Variants in NCAM2 observed in about 807,000 individuals in gnomAD.
The protein encoded by NCAM2 is neural cell adhesion molecule 2, also known as N-CAM-2.
NCAM2 carries 30 observed loss-of-function variants against 98.1 expected under a neutral mutation model. That is an observed-to-expected ratio of 0.31 (90% CI 0.23 to 0.41). The LOEUF is 0.41. Ranked by LOEUF, NCAM2 falls within the 10% of genes least tolerant of loss-of-function variation. NCAM2 has a pLI of 1.00. For synonymous variants in NCAM2, 368 were observed against 342.4 expected (o/e 1.07, Z -0.83); for missense variants, 867 against 1,005.8 (o/e 0.86, Z 1.87).
intron 15 of NCAM2, among the ~76,000 whole-genome samples, chr21:21,481,929 C>A (rs558524696): frequency 1.3e-5 from 2 of 152,102 alleles, no homozygotes; most frequent in Non-Finnish European, 2.9e-5. Flanking sequence ...GAAACCCTGT[C>A]TCTTCTAAAA....
intron 1 of NCAM2, among the ~76,000 whole-genome samples, chr21:21,238,301 A>G (rs2826746): frequency 0.49 from 74,826 of 151,878 alleles, 18,994 homozygotes; most frequent in South Asian, 0.58. Context: ...ACTGATTATT[A>G]GAACAAAAAT....
intron 1 of NCAM2, among the ~76,000 whole-genome samples, chr21:21,235,954 G>C (rs1206610595): frequency 6.6e-6 from 1 of 151,920 alleles, no homozygotes. Context: ...TTATTTCCTT[G>C]GTTGGCATAT....
intron 6 of NCAM2, among the ~76,000 whole-genome samples, chr21:21,326,574 T>C (rs554316641): frequency 6.6e-6 from 1 of 152,208 alleles, no homozygotes; most frequent in South Asian, 2.1e-4. Context: ...TTTCTTAAAG[T>C]TTTACATTCC....
chr21:21,332,698 C>T (rs1318020972), intron 6 of NCAM2, among the ~76,000 whole-genome samples: 2 of 152,106 alleles, frequency 1.3e-5, no homozygotes, highest in Non-Finnish European at 2.9e-5. Flanking sequence ...GCTTTGACCT[C>T]CCCCAACTGC....
At chr21:21,519,674 T>G (rs2146384617) in intron 16 of NCAM2, among the ~76,000 whole-genome samples, 1 of 152,302 alleles carries the variant, frequency 6.6e-6, no homozygotes, top group African/African-American at 2.4e-5. Flanking sequence ...TGCTTATTAT[T>G]GATCACACAA....
chr21:21,027,188 T>G (rs2064568554), intron 1 of NCAM2, among the ~76,000 whole-genome samples: 1 of 152,240 alleles, frequency 6.6e-6, no homozygotes, highest in South Asian at 2.1e-4. Context: ...TTATAATTTT[T>G]TAATTGACTA....
chr21:21,361,555 A>AT (rs2075646490), intron 8 of NCAM2, among the ~76,000 whole-genome samples: 2 of 151,814 alleles, frequency 1.3e-5, no homozygotes, highest in African/African-American at 4.8e-5. Context: ...CTAGTCTGCC[A>AT]TTTTTTCTTG....
intron 12 of NCAM2, among the ~76,000 whole-genome samples, chr21:21,465,100 T>C (rs987803642): frequency 6.6e-6 from 1 of 152,142 alleles, no homozygotes; most frequent in African/African-American, 2.4e-5. Context: ...ATTTAATTTT[T>C]TTTGTTGATT....
At chr21:21,195,904 T>A (rs78087797) in intron 1 of NCAM2, among the ~76,000 whole-genome samples, 2,249 of 152,312 alleles carry the variant, frequency 0.015, 48 homozygotes, top group African/African-American at 0.052. Flanking sequence ...GTGATCTACA[T>A]TGATCATATG....
At chr21:21,515,591 G>A (rs539452794) in intron 16 of NCAM2, among the ~76,000 whole-genome samples, 24 of 152,162 alleles carry the variant, frequency 1.6e-4, no homozygotes, top group Admixed American at 6.5e-4. Context: ...TTGAAAAAAT[G>A]CTGACTTTTC....
chr21:21,457,114 A>C (rs573078287), intron 12 of NCAM2, among the ~76,000 whole-genome samples: 143 of 152,314 alleles, frequency 9.4e-4, no homozygotes, highest in African/African-American at 3.2e-3. Flanking sequence ...AGAGTTTTGC[A>C]GTACATGCTA....
At chr21:21,319,390 C>T (rs1205091082) in intron 5 of NCAM2, among the ~76,000 whole-genome samples, 2 of 152,154 alleles carry the variant, frequency 1.3e-5, no homozygotes, top group Non-Finnish European at 1.5e-5. Context: ...CGCCTGTAAT[C>T]CCAGCACTTT....
intron 1 of NCAM2, among the ~76,000 whole-genome samples, chr21:21,221,618 A>G (rs1393341341): frequency 1.3e-5 from 2 of 152,212 alleles, no homozygotes; most frequent in South Asian, 4.1e-4. Context: ...GCAATACCCT[A>G]GTATTATTCA....
Position 21,414,815 on chromosome 21 carries a change from C to G in NCAM2, c.1384-3658C>G, listed in dbSNP as rs552349347. The stretch of plus-strand genomic sequence containing the variant: ...CTAGGACTTGAAAGTTGAAATTACT[C>G]CTTGATCCACAGGCTTCAGAATGGA... On this transcript the variant is annotated intron_variant, in intron 10 of 17. Transcript: ENST00000400546. Among the ~76,000 whole-genome samples, 3 of 152,228 alleles carry G rather than the reference C, an allele frequency of 2.0e-5. No homozygotes were observed. In the South Asian group the frequency reaches 6.2e-4, roughly 32 times the overall value.
intron 10 of NCAM2, among the ~76,000 whole-genome samples, chr21:21,416,559 A>G (rs2076998592): frequency 6.6e-6 from 1 of 152,120 alleles, no homozygotes; most frequent in East Asian, 1.9e-4. Flanking sequence ...AAGACACAAT[A>G]AAACAGGTAT....
At chr21:21,305,147 G>A (rs1195465215) in intron 5 of NCAM2, among the ~76,000 whole-genome samples, 3 of 151,836 alleles carry the variant, frequency 2.0e-5, no homozygotes, top group Non-Finnish European at 4.4e-5. Flanking sequence ...GTGTAATCCC[G>A]TCTCTATTAA....
At chr21:21,303,898 A>C (rs1299672475) in intron 5 of NCAM2, among the ~76,000 whole-genome samples, 3 of 152,126 alleles carry the variant, frequency 2.0e-5, no homozygotes, top group African/African-American at 7.2e-5. Context: ...TCTCATATAC[A>C]ACTCAGCATT....
intron 10 of NCAM2, among the ~76,000 whole-genome samples, chr21:21,412,469 G>T (rs2076906976): frequency 7.3e-6 from 1 of 136,410 alleles, no homozygotes; most frequent in Non-Finnish European, 1.7e-5. Context: ...ACAGACTAAT[G>T]TGTAATTTCT....
rs555861275 is a variant in NCAM2, at chr21:21,302,911, T to C, written c.619+10670T>C. Among the ~76,000 whole-genome samples the C allele has an allele frequency of 4.5e-4, 68 of 152,262 alleles. No homozygotes were observed. In the South Asian group the frequency reaches 0.012, roughly 27 times the overall value. ...GTATTACATATGCAACATGAAATAC[T>C]ATGCAGCCATAAAAAGAATGAAGTC... On this transcript the variant is annotated intron_variant, in intron 5 of 17. Coordinates refer to ENST00000400546, the MANE Select transcript of NCAM2 (RefSeq NM_004540.5).
Sources: gnomAD v4.1 joint callset for allele counts (sites outside exome capture counted in the v4.1 genomes callset) on GRCh38, gnomAD v4.1.1 for gene constraint, MANE v1.5 for transcripts, NCBI Gene and HGNC (gene_info 2026-07-23, HGNC 2026-07-21) for gene names.